PRDM15: variants seen among roughly 807,000 people sequenced by gnomAD.
PRDM15 encodes the protein PR domain zinc finger protein 15.
PRDM15 carries 64 observed loss-of-function variants against 128.6 expected under a neutral mutation model. That is an observed-to-expected ratio of 0.50 (90% CI 0.41 to 0.61). PRDM15 has a LOEUF of 0.61. Among genes scored for constraint, PRDM15 ranks in the 20% least tolerant of loss-of-function variants. PRDM15 has a pLI of 0.00. For missense variants in PRDM15, 1,242 were observed against 1,569.1 expected (o/e 0.79, Z 3.52); for synonymous variants, 615 against 621.8 (o/e 0.99, Z 0.16).
chr21:41,839,882 C>G (rs1202510638), intron 6 of PRDM15, 29 bp from the exon 7 acceptor site: 4 of 1,593,398 alleles, frequency 2.5e-6, no homozygotes, highest in African/African-American at 1.3e-5. Flanking sequence ...ATGCACCACA[C>G]AATTAGGAAG....
chr21:41,814,784 A>AGTGTTTTATGAGAATGGCTGTG (rs2061987971), intron 19 of PRDM15: 1 of 79,404 alleles, frequency 1.3e-5, no homozygotes, highest in East Asian at 4.2e-4. Flanking sequence ...AGAATGCCTC[A>AGTGTTTTATGAGAATGGCTGTG]TGTTAGTGAT....
Position 41,862,004 on chromosome 21 carries a change from G to A in PRDM15, c.-9-1632C>T, listed in dbSNP as rs2063831075. Reference sequence around the variant, plus strand: ...GCCGCATTCGGCCTTGCCTGCCCCAGTTCCTGTGGATGGGCACCTCGGCGC... The same window carrying A: ...GCCGCATTCGGCCTTGCCTGCCCCAATTCCTGTGGATGGGCACCTCGGCGC... On this transcript the variant is annotated intron_variant, in intron 1 of 23. Transcript: ENST00000398548. The surrounding 1 kb of genome is among the most constrained non-coding windows in gnomAD (Gnocchi z 4.1). 6.2e-7 allele frequency: 1 copy of A among 1,611,884 alleles called. No individual in the cohort carries two copies. The highest frequency in any genetic ancestry group is 8.5e-7 in the Non-Finnish European group (1 of 1,178,756).
In PRDM15 at chr21:41,819,597, C is replaced by A; in HGVS notation, c.2245G>T (p.Ala749Ser). 6.2e-7 allele frequency: 1 copy of A among 1,612,808 alleles called. No homozygotes were observed. ...VHDNVREYLC[A>S]ECGKGMKTKH... ...CCGTACCCACCTTTCCCACACTCGG[C>A]ACACAGGTACTCGCGGACATTGTCG... is the stretch of plus-strand genomic sequence containing the variant. Residue 749 changes from alanine to serine, a missense_variant, in exon 18 of 24, where the codon GCC becomes TCC. Coordinates refer to ENST00000398548, the MANE Select transcript of PRDM15 (RefSeq NM_001040424.3).
chr21:41,859,182 T>G lies in PRDM15; in HGVS notation c.131+410A>C. ...CTGTCCCTGTCCTCATAACCCCGCA[T>G]CCCCTGCCCCGCCTGGGTGTGCACG... On this transcript the variant is annotated intron_variant, in intron 3 of 23. Coordinates refer to ENST00000398548, the MANE Select transcript of PRDM15 (RefSeq NM_001040424.3). This position sits in a 1 kb window ranked among gnomAD's most constrained non-coding sequence, Gnocchi z 5.3. The G allele has an allele frequency of 6.2e-7, 1 of 1,613,882 alleles. No homozygotes were observed. The highest frequency in any genetic ancestry group is 8.5e-7 in the Non-Finnish European group (1 of 1,179,996).
chr21:41,803,963 ATTTT>A (rs72214468), intron 22 of PRDM15, among the ~76,000 whole-genome samples: 2 of 132,468 alleles, frequency 1.5e-5, no homozygotes, highest in Admixed American at 7.6e-5. Flanking sequence ...GATTGTTCTG[ATTTT>A]TTTTTTTTTT....
rs374336668 is a variant in PRDM15 at position 41,815,706 on chromosome 21, C to T, written c.2391G>A (p.Thr797=). ...VNMLKHCKRH[T]GIKDFMCELC... is the part of the protein sequence containing the mutation. ...GCGCGGCCCGGGCCTCGGACTCACC[C>T]GTGTGCCGCTTGCAGTGCTTGAGCA... is the stretch of plus-strand genomic sequence containing the variant. Residue 797 remains threonine (T), a splice_region_variant and synonymous_variant, in exon 19 of 24, where the codon ACG becomes ACA. Transcript: ENST00000398548. 77 of 1,613,144 alleles carry T rather than the reference C, an allele frequency of 4.8e-5. No individual in the cohort carries two copies. The highest frequency in any genetic ancestry group is 6.1e-5 in the Non-Finnish European group (72 of 1,179,904).
chr21:41,806,464 CCACCAG>C lies in PRDM15; in HGVS notation c.2653-1856_2653-1851del, dbSNP rs1340593234. 6.5e-4 allele frequency among the ~76,000 whole-genome samples: 77 copies of C among 118,264 alleles called. 1 individual carries two copies. Among genetic ancestry groups the C allele is most frequent in the African/African-American group, 2.4e-3 (71 of 29,260 alleles). The allele number at this position is 118,264 out of a possible 152,430, so 77.6% of individuals were successfully genotyped here. A position where few individuals can be genotyped will look rare whatever the true frequency, so the allele number is the denominator to read the frequency against. On this transcript the variant is annotated intron_variant, in intron 21 of 23. Transcript: ENST00000398548. ...CCATCACCACCACCCATCACCATCACCACCAGCACCACCCATTACTACCACCACCAT... is the reference window on the plus strand; with the variant it reads ...CCATCACCACCACCCATCACCATCACCACCACCCATTACTACCACCACCAT...
chr21:41,816,058 T>G (rs150446212), intron 18 of PRDM15, among the ~76,000 whole-genome samples: 2,037 of 152,328 alleles, frequency 0.013, 20 homozygotes, highest in Middle Eastern at 0.027. Context: ...GTTCACTCAC[T>G]CCTGCCAGGG....
At chr21:41,824,977 C>T (rs1265169534) in intron 13 of PRDM15, among the ~76,000 whole-genome samples, 2 of 152,232 alleles carry the variant, frequency 1.3e-5, no homozygotes, top group Non-Finnish European at 2.9e-5. Flanking sequence ...GCTGGATGAG[C>T]GTCACTCCGG....
chr21:41,853,513 T>G (rs748599469), intron 5 of PRDM15, among the ~76,000 whole-genome samples: 61 of 152,192 alleles, frequency 4.0e-4, no homozygotes, highest in Non-Finnish European at 1.8e-4. Flanking sequence ...ATTGCTGTTT[T>G]GCAGGTCAAA....
chr21:41,798,795 G>T lies in PRDM15; in HGVS notation c.*2445C>A, dbSNP rs1450194222. 6.6e-6 allele frequency: 1 copy of T among 152,248 alleles called. No individual in the cohort carries two copies. Among genetic ancestry groups the T allele is most frequent in the Non-Finnish European group, 1.5e-5 (1 of 68,052 alleles). 9.4% of individuals were successfully genotyped at this position (152,248 alleles called of 1,614,324 possible). ...TTCCTGTCATGATGATCAATATGCAGAACTGCGTATAGGTGAGGACTCTTC... is the reference window on the plus strand; with the variant it reads ...TTCCTGTCATGATGATCAATATGCATAACTGCGTATAGGTGAGGACTCTTC... On this transcript the variant is annotated 3_prime_UTR_variant, in exon 24 of 24. Transcript: ENST00000398548.
intron 5 of PRDM15, 52 bp from the exon 6 acceptor site, chr21:41,847,243 C>G: frequency 7.8e-7 from 1 of 1,283,006 alleles, no homozygotes; most frequent in Non-Finnish European, 1.1e-6. Context: ...GCTCATATGT[C>G]TCCATGAATC....
intron 18 of PRDM15, 49 bp from the exon 19 acceptor site, chr21:41,815,885 C>A: frequency 1.2e-6 from 2 of 1,603,436 alleles, no homozygotes; most frequent in Non-Finnish European, 1.7e-6. Context: ...ACGCAGCCCA[C>A]CTGGGGGCCC....
Position 41,798,956 on chromosome 21 carries a change from G to T in PRDM15, c.*2284C>A, listed in dbSNP as rs1006962636. The T allele has an allele frequency of 1.4e-4, 21 of 152,140 alleles. No homozygotes were observed. Among genetic ancestry groups the T allele is most frequent in the African/African-American group, 5.1e-4 (21 of 41,418 alleles). The allele number at this position is 152,140 out of a possible 1,614,324, so 9.4% of individuals were successfully genotyped here. A position where few individuals can be genotyped will look rare whatever the true frequency, so the allele number is the denominator to read the frequency against. On this transcript the variant is annotated 3_prime_UTR_variant, in exon 24 of 24. Transcript: ENST00000398548. ...ACCACGTATGTTTACAGAAAACTTG[G>T]GAGTTTGATTTTTCTTTAGAGTTCT...
intron 8 of PRDM15, among the ~76,000 whole-genome samples, 157 bp downstream of exon 8, chr21:41,837,769 AACATTCCT>A (rs2062943422): frequency 4.3e-4 from 2 of 4,604 alleles, no homozygotes; most frequent in Admixed American, 2.4e-3. Context: ...TGAGCTCCAG[AACATTCCT>A]GAGCTCCAGA....
rs1426615959 is a variant in PRDM15 at position 41,799,509 on chromosome 21, G to C, written c.*1731C>G. On this transcript the variant is annotated 3_prime_UTR_variant, in exon 24 of 24. Transcript: ENST00000398548. ...AGGTGAGAGCTAGGCGCGAGTGATG[G>C]TGGGTAAGGTGAGGAGGTGAGCCCC... The C allele has an allele frequency of 2.0e-5, 3 of 152,216 alleles. No individual in the cohort carries two copies. Among genetic ancestry groups the C allele is most frequent in the Non-Finnish European group, 4.4e-5 (3 of 68,028 alleles). 9.4% of individuals were successfully genotyped at this position (152,216 alleles called of 1,614,324 possible). A position where few individuals can be genotyped will look rare whatever the true frequency, so the allele number is the denominator to read the frequency against.
chr21:41,869,319 C>T (rs1401464358), intron 1 of PRDM15, among the ~76,000 whole-genome samples: 2 of 152,172 alleles, frequency 1.3e-5, no homozygotes, highest in African/African-American at 2.4e-5. Context: ...CTCACTCTGT[C>T]GCCCAGGCTA....
chr21:41,850,412 A>C (rs143703319), intron 5 of PRDM15, among the ~76,000 whole-genome samples: 2,105 of 151,174 alleles, frequency 0.014, 34 homozygotes, highest in African/African-American at 0.047. Flanking sequence ...TCTTGTAAAG[A>C]AACAAAATCA....
chr21:41,874,068 G>C (rs1290866773), intron 1 of PRDM15, among the ~76,000 whole-genome samples: 1 of 127,254 alleles, frequency 7.9e-6, no homozygotes, highest in Non-Finnish European at 1.6e-5. Flanking sequence ...ACTCTGTCTC[G>C]GGAAAAAAAA....
Sources: allele counts gnomAD v4.1 joint callset (sites outside exome capture counted in the v4.1 genomes callset), GRCh38; gene constraint gnomAD v4.1.1; non-coding constraint Gnocchi (gnomAD v3.1); transcripts MANE v1.5; gene names NCBI Gene and HGNC (gene_info 2026-07-23, HGNC 2026-07-21).